The following ENPP3 variants were observed in gnomAD, a reference collection of about 807,000 sequenced individuals.
The protein encoded by ENPP3 is ectonucleotide pyrophosphatase/phosphodiesterase 3.
Under a neutral mutation model 117.8 loss-of-function variants are expected in ENPP3, and 104 were observed. The observed-to-expected ratio is 0.88, with a 90% CI of 0.75 to 1.04. The LOEUF is 1.04. Among genes scored for constraint, ENPP3 ranks in the 50% least tolerant of loss-of-function variants. The pLI, the probability that ENPP3 is intolerant of heterozygous loss-of-function variation, is 0.00. For missense variants in ENPP3, 1,026 were observed against 1,051.9 expected, an observed-to-expected ratio of 0.98 and a Z score of 0.34; for synonymous variants, 380 against 349.9, an observed-to-expected ratio of 1.09 and a Z score of -0.96.
At chr6:131,717,719 T>G (rs1174590604) in intron 15 of ENPP3, among the ~76,000 whole-genome samples, 1 of 152,114 alleles carries the variant, frequency 6.6e-6, no homozygotes, top group Non-Finnish European at 1.5e-5. Context: ...TAAACATAAT[T>G]ATAATAATAA....
In ENPP3 at chr6:131,685,463, G is replaced by A. The variant is rs144585838; in HGVS notation, c.1220G>A (p.Arg407Gln). 210 of 1,613,698 alleles carry A rather than the reference G, an allele frequency of 1.3e-4. No homozygotes were observed. Among genetic ancestry groups the A allele is most frequent in the Non-Finnish European group, 1.6e-4 (193 of 1,179,910 alleles). ...YMYEGPAPRIRAHNIPHDFFS... is the reference protein window; with the variant it reads ...YMYEGPAPRIQAHNIPHDFFS... The stretch of plus-strand genomic sequence containing the variant: ...TACGAAGGGCCTGCCCCCCGCATCC[G>A]AGCTCATAATATACCTCATGACTTT... Residue 407 changes from arginine to glutamine, a missense_variant, in exon 13 of 25, where the codon CGA (arginine) becomes CAA (glutamine). Transcript: ENST00000357639.
chr6:131,685,518 G>GA (rs1197159763), intron 13 of ENPP3, 23 bp downstream of exon 13: 4 of 1,598,134 alleles, frequency 2.5e-6, no homozygotes, highest in African/African-American at 1.4e-5. Flanking sequence ...ACACCTATAT[G>GA]AAAAAAAGGG....
chr6:131,710,576 A>G (rs760422708), intron 15 of ENPP3: 1 of 1,613,258 alleles, frequency 6.2e-7, no homozygotes, highest in Non-Finnish European at 8.5e-7. Context: ...TTTTCTAGAC[A>G]GAGGATTTCA....
chr6:131,687,050 T>C (rs1235880464), intron 14 of ENPP3, among the ~76,000 whole-genome samples: 2 of 152,212 alleles, frequency 1.3e-5, no homozygotes, highest in Non-Finnish European at 2.9e-5. Context: ...GATTGCTGGG[T>C]AGAATGGTAT....
chr6:131,685,204 A>G (rs1002226040), intron 12 of ENPP3, among the ~76,000 whole-genome samples, 160 bp from the exon 13 acceptor site: 1 of 152,136 alleles, frequency 6.6e-6, no homozygotes. Flanking sequence ...CACTGCCACA[A>G]TTTTCTGCCA....
chr6:131,662,653 TTG>T (rs1778527992), intron 6 of ENPP3, among the ~76,000 whole-genome samples: 1 of 152,216 alleles, frequency 6.6e-6, no homozygotes, highest in South Asian at 2.1e-4. Context: ...GTCTTCAGCT[TTG>T]TTCTTTTTCA....
At chr6:131,665,264 T>A (rs1471640569) in intron 6 of ENPP3, among the ~76,000 whole-genome samples, 3 of 152,150 alleles carry the variant, frequency 2.0e-5, no homozygotes, top group Non-Finnish European at 4.4e-5. Flanking sequence ...CTAGCCTTAT[T>A]CATTTGAAAG....
intron 15 of ENPP3, among the ~76,000 whole-genome samples, chr6:131,717,540 A>G (rs1285316895): frequency 2.0e-5 from 3 of 152,060 alleles, no homozygotes; most frequent in Admixed American, 6.6e-5. Context: ...GCTTTAAAAG[A>G]TCTAGGTTCA....
intron 19 of ENPP3, among the ~76,000 whole-genome samples, chr6:131,725,187 C>A (rs1385227588): frequency 2.0e-5 from 3 of 152,124 alleles, no homozygotes; most frequent in Non-Finnish European, 4.4e-5. Flanking sequence ...GATCATGCCA[C>A]TCCACTCCAG....
intron 6 of ENPP3, among the ~76,000 whole-genome samples, chr6:131,669,948 A>C (rs983498857): frequency 6.6e-6 from 1 of 152,326 alleles, no homozygotes; most frequent in Non-Finnish European, 1.5e-5. Flanking sequence ...ATAACGGTGA[A>C]GCTTTATTTT....
Position 131,637,335 on chromosome 6 carries a change from A to C in ENPP3, c.-50A>C, listed in dbSNP as rs1212572124. 1 of 1,178,208 alleles carries C rather than the reference A, an allele frequency of 8.5e-7. No individual in the cohort carries two copies. Among genetic ancestry groups the C allele is most frequent in the Admixed American group, 2.5e-5 (1 of 40,502 alleles). The allele number at this position is 1,178,208 out of a possible 1,614,324, so 73.0% of individuals were successfully genotyped here. Reference sequence around the variant, plus strand: ...TCTCTTTGCCAGACTAGACTAAAGAAGGAGCACTAATTTATTCTGATAAAA... The same window carrying C: ...TCTCTTTGCCAGACTAGACTAAAGACGGAGCACTAATTTATTCTGATAAAA... On this transcript the variant is annotated 5_prime_UTR_variant, in exon 1 of 25. Coordinates refer to ENST00000357639, the MANE Select transcript of ENPP3 (RefSeq NM_005021.5).
chr6:131,679,062 T>TTTCTTTCC (rs1778960062), intron 11 of ENPP3, among the ~76,000 whole-genome samples: 1 of 133,534 alleles, frequency 7.5e-6, no homozygotes, highest in Non-Finnish European at 1.6e-5. Flanking sequence ...TCTTTCTTTC[T>TTTCTTTCC]TTCTTTCTTT....
intron 15 of ENPP3, among the ~76,000 whole-genome samples, chr6:131,695,874 C>T (rs1239416563): frequency 1.3e-5 from 2 of 152,058 alleles, no homozygotes; most frequent in Non-Finnish European, 2.9e-5. Context: ...CAAGATCGCA[C>T]CACTGCACTC....
At chr6:131,654,875 G>C (rs994032983) in intron 5 of ENPP3, among the ~76,000 whole-genome samples, 2 of 152,176 alleles carry the variant, frequency 1.3e-5, no homozygotes, top group African/African-American at 4.8e-5. Context: ...GGGTGGAAGA[G>C]TAAAGGATTA....
chr6:131,733,760 A>G, intron 21 of ENPP3, 37 bp downstream of exon 21: 1 of 1,603,030 alleles, frequency 6.2e-7, no homozygotes. Context: ...TAGCTTAGAA[A>G]GCTCTCATCA....
chr6:131,669,403 G>A (rs1001464099), intron 6 of ENPP3, among the ~76,000 whole-genome samples: 6 of 151,774 alleles, frequency 4.0e-5, no homozygotes, highest in African/African-American at 1.5e-4. Context: ...CCAGGCACAG[G>A]GGCTTACATC....
intron 6 of ENPP3, among the ~76,000 whole-genome samples, chr6:131,661,044 C>T (rs1362076887): frequency 3.3e-5 from 5 of 152,168 alleles, no homozygotes; most frequent in African/African-American, 1.2e-4. Context: ...TCCATGTTAT[C>T]ACATGTTGCA....
At chr6:131,675,240 T>C (rs781529648) in intron 9 of ENPP3, 51 bp downstream of exon 9, 3 of 1,193,448 alleles carry the variant, frequency 2.5e-6, no homozygotes, top group South Asian at 1.2e-5. Context: ...ATGATCAAGA[T>C]GTTTTCTGTC....
intron 14 of ENPP3, among the ~76,000 whole-genome samples, chr6:131,690,505 G>T (rs1779254242): frequency 6.6e-6 from 1 of 152,180 alleles, no homozygotes; most frequent in East Asian, 1.9e-4. Context: ...TAGTGCTGTT[G>T]CACACTTAAA....
Sources: allele counts gnomAD v4.1 joint callset (sites outside exome capture counted in the v4.1 genomes callset), GRCh38; gene constraint gnomAD v4.1.1; transcripts MANE v1.5; gene names NCBI Gene and HGNC (gene_info 2026-07-23, HGNC 2026-07-21).